ZNF385D: variants seen among roughly 807,000 people sequenced by gnomAD.
ZNF385D encodes the protein zinc finger protein 385D.
ZNF385D carries 15 observed loss-of-function variants against 35.8 expected under a neutral mutation model. That is an observed-to-expected ratio of 0.42 (90% CI 0.28 to 0.64). The LOEUF (loss-of-function observed/expected upper bound fraction) is 0.64, where lower values mean the gene tolerates loss of function less well. Among genes scored for constraint, ZNF385D ranks in the 30% least tolerant of loss-of-function variants. The pLI is 0.23. For missense variants in ZNF385D, 474 were observed against 494.6 expected (o/e 0.96, Z 0.39); for synonymous variants, 212 against 186.8 (o/e 1.13, Z -1.10).
Position 22,219,946 on chromosome 3 carries a change from T to A in ZNF385D, c.107-50911A>T, listed in dbSNP as rs116471917. ...TCTTTTCTCAATATATTCAACAAAA[T>A]GGGTTCATTTTATTTTCTAATTAAC... is the stretch of plus-strand genomic sequence containing the variant. On this transcript the variant is annotated intron_variant, in intron 2 of 5. Coordinates refer to the ZNF385D transcript ENST00000494108. Among the ~76,000 whole-genome samples, 738 of 152,276 alleles carry A rather than the reference T, an allele frequency of 4.8e-3. 10 individuals carry two copies. Among genetic ancestry groups the A allele is most frequent in the African/African-American group, 0.017 (691 of 41,574 alleles).
intron 3 of ZNF385D, among the ~76,000 whole-genome samples, chr3:21,886,457 C>T (rs187034810): frequency 6.4e-4 from 98 of 152,136 alleles, no homozygotes; most frequent in African/African-American, 2.2e-3. Context: ...TTTCACCTCC[C>T]GTCCTCTCTG....
intron 3 of ZNF385D, among the ~76,000 whole-genome samples, chr3:22,094,410 A>ATATATATATATATATATATATAT (rs1386186822): frequency 1.9e-4 from 16 of 83,444 alleles, no homozygotes; most frequent in African/African-American, 2.4e-4. Flanking sequence ...ATATATATAT[A>ATATATATATATATATATATATAT]AAGGCATTTG....
At chr3:21,802,394 T>C (rs1324998396) in intron 3 of ZNF385D, among the ~76,000 whole-genome samples, 1 of 152,148 alleles carries the variant, frequency 6.6e-6, no homozygotes. Flanking sequence ...CAACTTGTTT[T>C]TTCTTTAAGA....
chr3:22,326,668 G>A (rs1375651093), intron 2 of ZNF385D, among the ~76,000 whole-genome samples: 1 of 151,932 alleles, frequency 6.6e-6, no homozygotes, highest in African/African-American at 2.4e-5. Context: ...AGATGGATTT[G>A]GGTTTTAAAA....
At chr3:21,597,107 ATT>A (rs2064148206) in intron 2 of ZNF385D, among the ~76,000 whole-genome samples, 1 of 152,196 alleles carries the variant, frequency 6.6e-6, no homozygotes, top group African/African-American at 2.4e-5. Context: ...AAACCAAGGC[ATT>A]TTATCTAAAT....
intron 3 of ZNF385D, among the ~76,000 whole-genome samples, chr3:22,076,171 C>T (rs776657191): frequency 3.3e-5 from 5 of 151,862 alleles, no homozygotes; most frequent in Non-Finnish European, 7.4e-5. Context: ...GAATCATTTG[C>T]AAATCTACAT....
chr3:21,891,719 C>T lies in ZNF385D; in HGVS notation c.326-226691G>A, dbSNP rs75761838. Reference sequence around the variant, plus strand: ...TTGAAATTAGGCTGAGAGGCCTTGACGTTTTCTAACAATCTGAGATACTAA... The same window carrying T: ...TTGAAATTAGGCTGAGAGGCCTTGATGTTTTCTAACAATCTGAGATACTAA... On this transcript the variant is annotated intron_variant, in intron 3 of 5. Coordinates refer to the ZNF385D transcript ENST00000494108. Among the ~76,000 whole-genome samples, 457 of 152,248 alleles carry T rather than the reference C, an allele frequency of 3.0e-3. 3 individuals are homozygous for T. The highest frequency in any genetic ancestry group is 0.011 in the African/African-American group (439 of 41,550).
intron 1 of ZNF385D, among the ~76,000 whole-genome samples, chr3:21,716,293 A>C (rs968337465): frequency 6.6e-6 from 1 of 152,150 alleles, no homozygotes; most frequent in Non-Finnish European, 1.5e-5. Flanking sequence ...TATTCCTCAG[A>C]AACTGCCAAT....
intron 3 of ZNF385D, among the ~76,000 whole-genome samples, chr3:21,997,104 T>A (rs753478799): frequency 6.6e-6 from 1 of 152,050 alleles, no homozygotes; most frequent in Non-Finnish European, 1.5e-5. Context: ...AACCCAAATG[T>A]CCATCAATGA....
intron 3 of ZNF385D, among the ~76,000 whole-genome samples, chr3:22,068,909 G>A (rs114405988): frequency 0.015 from 2,213 of 152,252 alleles, 58 homozygotes; most frequent in African/African-American, 0.051. Context: ...CAATAAATAT[G>A]GAGGAAGGTG....
chr3:22,363,589 C>T (rs952951006), intron 2 of ZNF385D, among the ~76,000 whole-genome samples: 3 of 152,066 alleles, frequency 2.0e-5, no homozygotes, highest in African/African-American at 7.2e-5. Flanking sequence ...GATTCAGTAC[C>T]AAGAATGGTT....
chr3:21,566,130 T>TATTA (rs1289235424), intron 2 of ZNF385D, among the ~76,000 whole-genome samples: 22 of 152,346 alleles, frequency 1.4e-4, no homozygotes, highest in African/African-American at 4.8e-4. Flanking sequence ...AGTTAGCATT[T>TATTA]ATTATAATGC....
chr3:21,463,248 T>C (rs1703295758), intron 4 of ZNF385D, among the ~76,000 whole-genome samples: 1 of 152,088 alleles, frequency 6.6e-6, no homozygotes, highest in Non-Finnish European at 1.5e-5. Flanking sequence ...AAACAGATAC[T>C]ACATTCAATA....
At chr3:21,961,466 T>C (rs1702587594) in intron 3 of ZNF385D, 1 of 152,160 alleles carries the variant, frequency 6.6e-6, no homozygotes, top group South Asian at 2.1e-4. Context: ...ATTAGAAATA[T>C]GAAGTAACTA....
rs919232571 is a variant in ZNF385D at position 21,968,052 on chromosome 3, A to C, written c.325+200765T>G. ...GAATAGCTTACACCACCCCTCCCTT[A>C]CACCCCAGCTGTGGGTGTACGGTGC... On this transcript the variant is annotated intron_variant, in intron 3 of 5. Coordinates refer to the ZNF385D transcript ENST00000494108. Among the ~76,000 whole-genome samples the C allele has an allele frequency of 1.1e-4, 17 of 152,258 alleles. No individual in the cohort carries two copies. The South Asian group carries it at 3.5e-3, about 32-fold the overall frequency.
intron 4 of ZNF385D, among the ~76,000 whole-genome samples, chr3:21,473,499 T>C (rs141370836): frequency 0.011 from 1,605 of 152,220 alleles, 19 homozygotes; most frequent in Non-Finnish European, 0.013. Flanking sequence ...TTTCTAGTTG[T>C]AGGGTGTCTC....
chr3:21,599,975 A>T (rs1352318221), intron 2 of ZNF385D, among the ~76,000 whole-genome samples: 2 of 152,206 alleles, frequency 1.3e-5, no homozygotes, highest in Non-Finnish European at 2.9e-5. Flanking sequence ...CCTTGCTGAT[A>T]AAACAGACTG....
At chr3:21,518,124 T>C (rs1414024783) in intron 3 of ZNF385D, among the ~76,000 whole-genome samples, 1 of 152,210 alleles carries the variant, frequency 6.6e-6, no homozygotes, top group African/African-American at 2.4e-5. Flanking sequence ...TGGCACTTCT[T>C]GCTGAAGTCC....
At chr3:21,787,744 A>T in intron 3 of ZNF385D, among the ~76,000 whole-genome samples, 1 of 152,172 alleles carries the variant, frequency 6.6e-6, no homozygotes. Context: ...CATCATGAAA[A>T]GCAGAGGCCA....
Sources: allele counts gnomAD v4.1 joint callset (sites outside exome capture counted in the v4.1 genomes callset), GRCh38; gene constraint gnomAD v4.1.1; transcripts MANE v1.5; gene names NCBI Gene and HGNC (gene_info 2026-07-23, HGNC 2026-07-21).